Variants in OSTN observed in about 807,000 individuals in gnomAD.
OSTN encodes the protein osteocrin.
In OSTN, 9 loss-of-function variants were observed where a neutral mutation model predicts 12.0. The ratio of observed to expected loss-of-function variants is 0.75; its 90% CI spans 0.45 to 1.30. OSTN has a LOEUF of 1.30. Among genes scored for constraint, OSTN ranks in the 50% most tolerant of loss-of-function variants. OSTN has a pLI of 0.00. For synonymous variants in OSTN, 59 were observed against 56.9 expected (o/e 1.04, Z -0.16); for missense variants, 148 against 152.3 (o/e 0.97, Z 0.15).
intron 3 of OSTN, among the ~76,000 whole-genome samples, chr3:191,235,310 A>G (rs1303025862): frequency 6.6e-6 from 1 of 152,182 alleles, no homozygotes; most frequent in African/African-American, 2.4e-5. Flanking sequence ...GAATACTAAT[A>G]AAGCTTCTCT....
chr3:191,263,021 C>T lies in OSTN; in HGVS notation c.*168C>T. 1.7e-6 allele frequency: 1 copy of T among 575,530 alleles called. No homozygotes were observed. Among genetic ancestry groups the T allele is most frequent in the South Asian group, 2.2e-5 (1 of 44,742 alleles). 35.7% of individuals were successfully genotyped at this position (575,530 alleles called of 1,614,324 possible). On this transcript the variant is annotated 3_prime_UTR_variant, in exon 5 of 5. Transcript: ENST00000682035. ...CCATCACATTACAGCATTGTTACAGCTTCAATTAAATTGTGTAAATCATTT... is the reference window on the plus strand; with the variant it reads ...CCATCACATTACAGCATTGTTACAGTTTCAATTAAATTGTGTAAATCATTT...
At chr3:191,216,711 A>G (rs142355008) in intron 2 of OSTN, among the ~76,000 whole-genome samples, 1 of 152,320 alleles carries the variant, frequency 6.6e-6, no homozygotes, top group East Asian at 1.9e-4. Context: ...TCTTTGATAA[A>G]GCATAGCAAC....
intron 4 of OSTN, among the ~76,000 whole-genome samples, chr3:191,258,161 T>A (rs927547017): frequency 6.6e-6 from 1 of 152,178 alleles, no homozygotes; most frequent in Non-Finnish European, 1.5e-5. Flanking sequence ...TCAAGAAGCT[T>A]GAGTAGTCAA....
intron 4 of OSTN, among the ~76,000 whole-genome samples, chr3:191,257,902 A>T (rs1232986275): frequency 6.6e-6 from 1 of 152,218 alleles, no homozygotes; most frequent in African/African-American, 2.4e-5. Context: ...CTATAAATAC[A>T]TATATACATA....
intron 2 of OSTN, among the ~76,000 whole-genome samples, chr3:191,218,357 C>T (rs1714675198): frequency 6.6e-6 from 1 of 152,254 alleles, no homozygotes; most frequent in African/African-American, 2.4e-5. Context: ...TGTTGTGGCT[C>T]ACACCTGCAA....
In OSTN at chr3:191,263,669, A is replaced by G. The variant is rs551633888; in HGVS notation, c.*816A>G. ...GCTCAGTACACTTCAGCATAGTACA[A>G]TGTGATCTTTTTGATATCTTGGATT... On this transcript the variant is annotated 3_prime_UTR_variant, in exon 5 of 5. Coordinates refer to ENST00000682035, the MANE Select transcript of OSTN (RefSeq NM_198184.2). 1 of 152,146 alleles carries G rather than the reference A, an allele frequency of 6.6e-6. No homozygotes were observed. The highest frequency in any genetic ancestry group is 2.1e-4 in the South Asian group (1 of 4,830). The allele number at this position is 152,146 out of a possible 1,614,324, so 9.4% of individuals were successfully genotyped here.
intron 3 of OSTN, among the ~76,000 whole-genome samples, chr3:191,248,585 G>C (rs1024147476): frequency 6.6e-6 from 1 of 152,168 alleles, no homozygotes; most frequent in Non-Finnish European, 1.5e-5. Context: ...AAATTAAGTT[G>C]TCTTGTTAGA....
At chr3:191,224,373 T>A (rs1242833995) in intron 3 of OSTN, among the ~76,000 whole-genome samples, 1 of 139,066 alleles carries the variant, frequency 7.2e-6, no homozygotes, top group African/African-American at 2.7e-5. Flanking sequence ...TGAAACTCCA[T>A]CTCAGAAAAA....
In OSTN at chr3:191,199,295, G is replaced by A. The variant is rs1385656375; in HGVS notation, c.-13G>A. 6.6e-6 allele frequency: 1 copy of A among 152,106 alleles called. No individual in the cohort carries two copies. Among genetic ancestry groups the A allele is most frequent in the East Asian group, 1.9e-4 (1 of 5,200 alleles). 9.4% of individuals were successfully genotyped at this position (152,106 alleles called of 1,614,324 possible). A position where few individuals can be genotyped will look rare whatever the true frequency, so the allele number is the denominator to read the frequency against. On this transcript the variant is annotated 5_prime_UTR_variant, in exon 1 of 5. Coordinates refer to ENST00000682035, the MANE Select transcript of OSTN (RefSeq NM_198184.2). The stretch of plus-strand genomic sequence containing the variant: ...CAGTACTCTAAAGTTAGAATCTCCT[G>A]ATCTTTCACGAGGTAAGTTATATGT...
At chr3:191,230,896 T>C (rs1370531033) in intron 3 of OSTN, among the ~76,000 whole-genome samples, 5 of 152,240 alleles carry the variant, frequency 3.3e-5, no homozygotes, top group Non-Finnish European at 1.5e-5. Context: ...TTCTCTCCTT[T>C]ACCTTCACCT....
chr3:191,247,851 CT>C (rs1269200631), intron 3 of OSTN, among the ~76,000 whole-genome samples: 1 of 152,112 alleles, frequency 6.6e-6, no homozygotes, highest in Non-Finnish European at 1.5e-5. Flanking sequence ...TTTCTTCCCC[CT>C]GATCAGAGTC....
intron 1 of OSTN, among the ~76,000 whole-genome samples, chr3:191,206,795 T>C (rs970206116): frequency 3.3e-5 from 5 of 152,262 alleles, no homozygotes; most frequent in African/African-American, 9.6e-5. Flanking sequence ...ATGCAGACTT[T>C]GTGTTAAGCA....
intron 1 of OSTN, among the ~76,000 whole-genome samples, chr3:191,203,900 A>T (rs9870652): frequency 0.23 from 35,142 of 151,962 alleles, 4,606 homozygotes; most frequent in Middle Eastern, 0.49. Context: ...TTATTTATTT[A>T]TTTTGAGATG....
chr3:191,256,613 C>A (rs1715676188), intron 4 of OSTN, among the ~76,000 whole-genome samples: 1 of 148,050 alleles, frequency 6.8e-6, no homozygotes, highest in African/African-American at 2.6e-5. Context: ...AACTGTCTCT[C>A]CCCCTCTCTC....
At chr3:191,262,478 A>G (rs553827202) in intron 4 of OSTN, among the ~76,000 whole-genome samples, 2 of 152,340 alleles carry the variant, frequency 1.3e-5, no homozygotes, top group Admixed American at 1.3e-4. Context: ...ATGTGTTATA[A>G]TAAACAGAAA....
chr3:191,199,429 T>C (rs1395986156), intron 1 of OSTN, 122 bp downstream of exon 1: 2 of 152,114 alleles, frequency 1.3e-5, no homozygotes, highest in Admixed American at 6.6e-5. Flanking sequence ...GTGGTAATAT[T>C]TCCCTCTCTA....
chr3:191,247,953 A>G (rs551361801), intron 3 of OSTN, among the ~76,000 whole-genome samples: 1 of 151,734 alleles, frequency 6.6e-6, no homozygotes, highest in Non-Finnish European at 1.5e-5. Context: ...CATGCCTCAG[A>G]CTCCCGAGTA....
chr3:191,235,640 T>C (rs570992139), intron 3 of OSTN, among the ~76,000 whole-genome samples: 2 of 152,326 alleles, frequency 1.3e-5, no homozygotes, highest in East Asian at 3.9e-4. Flanking sequence ...AGATCTGCTA[T>C]GCCCCTCATC....
chr3:191,205,272 C>G lies in OSTN; in HGVS notation c.-1+5965C>G, dbSNP rs1714242495. 2.6e-5 allele frequency among the ~76,000 whole-genome samples: 4 copies of G among 152,070 alleles called. No homozygotes were observed. In the South Asian group the frequency reaches 8.3e-4, roughly 32 times the overall value. ...TAGAGTCTTGTTCAAGATCATTAGC[C>G]CATTAAGGAGCACAGCTAAACCTCT... On this transcript the variant is annotated intron_variant, in intron 1 of 4. Transcript: ENST00000682035.
Sources: gnomAD v4.1 joint callset for allele counts (sites outside exome capture counted in the v4.1 genomes callset) on GRCh38, gnomAD v4.1.1 for gene constraint, MANE v1.5 for transcripts, NCBI Gene and HGNC (gene_info 2026-07-23, HGNC 2026-07-21) for gene names.